GOLPH3L: variants seen among roughly 807,000 people sequenced by gnomAD.
GOLPH3L encodes golgi phosphoprotein 3 like.
GOLPH3L carries 22 observed loss-of-function variants against 30.3 expected under a neutral mutation model. The observed-to-expected ratio is 0.73, with a 90% CI of 0.52 to 1.04. The LOEUF is 1.04. GOLPH3L is among the 50% of genes least tolerant of loss of function. GOLPH3L has a pLI of 0.00. For synonymous variants in GOLPH3L, 120 were observed against 128.2 expected (o/e 0.94, Z 0.43); for missense variants, 303 against 345.8 (o/e 0.88, Z 0.98).
intron 2 of GOLPH3L, among the ~76,000 whole-genome samples, chr1:150,669,108 T>C (rs1650580937): frequency 6.6e-6 from 1 of 152,122 alleles, no homozygotes; most frequent in Admixed American, 6.6e-5. Flanking sequence ...ATTAAGAATA[T>C]GCAATAATAG....
chr1:150,662,222 T>C (rs1264361515), intron 3 of GOLPH3L, among the ~76,000 whole-genome samples: 2 of 151,884 alleles, frequency 1.3e-5, no homozygotes, highest in African/African-American at 2.4e-5. Flanking sequence ...TTAATAAAGG[T>C]AGGAAACAGC....
intron 2 of GOLPH3L, among the ~76,000 whole-genome samples, chr1:150,689,857 C>T (rs187281397): frequency 9.9e-4 from 150 of 151,952 alleles, no homozygotes; most frequent in African/African-American, 3.6e-3. Flanking sequence ...AGGCTGGTCT[C>T]GAACTCCTGG....
chr1:150,680,630 A>C (rs1381964695), intron 2 of GOLPH3L, among the ~76,000 whole-genome samples: 1 of 152,174 alleles, frequency 6.6e-6, no homozygotes, highest in Non-Finnish European at 1.5e-5. Flanking sequence ...CAAGTCAAAA[A>C]ATAAGAAACT....
chr1:150,696,042 A>G (rs867461087), intron 1 of GOLPH3L, among the ~76,000 whole-genome samples: 1 of 152,216 alleles, frequency 6.6e-6, no homozygotes, highest in Non-Finnish European at 1.5e-5. Context: ...AAGATAATAT[A>G]TAACAAATAT....
At chr1:150,660,065 C>G (rs922140385) in intron 4 of GOLPH3L, among the ~76,000 whole-genome samples, 3 of 151,982 alleles carry the variant, frequency 2.0e-5, no homozygotes, top group African/African-American at 7.2e-5. Flanking sequence ...TCAACAACAA[C>G]AAAACAATCA....
At chr1:150,669,037 A>G (rs1183820014) in intron 2 of GOLPH3L, among the ~76,000 whole-genome samples, 2 of 152,188 alleles carry the variant, frequency 1.3e-5, no homozygotes, top group Non-Finnish European at 2.9e-5. Context: ...TGAATGTCAC[A>G]CTTTCCTATT....
chr1:150,678,028 G>A (rs369501948), intron 2 of GOLPH3L, among the ~76,000 whole-genome samples: 12 of 151,602 alleles, frequency 7.9e-5, no homozygotes, highest in East Asian at 1.9e-4. Flanking sequence ...GGCTGGGCAC[G>A]GTGGCTCATG....
chr1:150,678,024 G>A (rs1041720849), intron 2 of GOLPH3L, among the ~76,000 whole-genome samples: 3 of 151,752 alleles, frequency 2.0e-5, no homozygotes, highest in Middle Eastern at 3.4e-3. Context: ...ATGTGGCTGG[G>A]CACGGTGGCT....
intron 2 of GOLPH3L, among the ~76,000 whole-genome samples, chr1:150,668,253 G>T (rs1396152702): frequency 6.6e-6 from 1 of 152,162 alleles, no homozygotes; most frequent in African/African-American, 2.4e-5. Flanking sequence ...CCTGGCAAAA[G>T]TTCAGCTTGA....
chr1:150,650,766 C>G (rs1650086881), intron 4 of GOLPH3L, among the ~76,000 whole-genome samples: 1 of 152,178 alleles, frequency 6.6e-6, no homozygotes, highest in African/African-American at 2.4e-5. Flanking sequence ...GGGACAGCTG[C>G]AGTGTAGTAT....
chr1:150,694,831 G>A lies in GOLPH3L; in HGVS notation c.8C>T (p.Thr3Ile). ...AGTGCGACGGGCCCGGTGAGTTAAAGTGGTCATTCTCACCTGTTTCTGGAG... is the reference window on the plus strand; with the variant it reads ...AGTGCGACGGGCCCGGTGAGTTAAAATGGTCATTCTCACCTGTTTCTGGAG... MT[T>I]LTHRARRTEI... is the part of the protein sequence containing the mutation. The change falls in exon 2 of 5, where the codon ACT (threonine) becomes ATT (isoleucine). Residue 3 changes from threonine to isoleucine, a missense_variant. Thr to Ile is a moderately conservative substitution (Grantham distance 89, BLOSUM62 -1). Coordinates refer to ENST00000271732, the MANE Select transcript of GOLPH3L (RefSeq NM_018178.6). 6.2e-7 allele frequency: 1 copy of A among 1,603,330 alleles called. No individual in the cohort carries two copies. Among genetic ancestry groups the A allele is most frequent in the Non-Finnish European group, 8.5e-7 (1 of 1,175,568 alleles).
chr1:150,682,661 A>C (rs897807812), intron 2 of GOLPH3L, among the ~76,000 whole-genome samples: 2 of 141,988 alleles, frequency 1.4e-5, no homozygotes, highest in Non-Finnish European at 3.1e-5. Context: ...AAGTGTTCTC[A>C]TGTAGATCTC....
In GOLPH3L at chr1:150,694,822, T is replaced by G. The variant is rs1651311083; in HGVS notation, c.17A>C (p.His6Pro). The G allele has an allele frequency of 1.9e-6, 3 of 1,607,452 alleles. No homozygotes were observed. Among genetic ancestry groups the G allele is most frequent in the Non-Finnish European group, 2.5e-6 (3 of 1,177,434 alleles). ...GCTTATTTCAGTGCGACGGGCCCGGTGAGTTAAAGTGGTCATTCTCACCTG... is the reference window on the plus strand; with the variant it reads ...GCTTATTTCAGTGCGACGGGCCCGGGGAGTTAAAGTGGTCATTCTCACCTG... MTTLTHRARRTEISKN... is the reference protein window; with the variant it reads MTTLTPRARRTEISKN... Residue 6 changes from histidine to proline, a missense_variant, in exon 2 of 5, where the codon CAC (histidine) becomes CCC (proline). Coordinates refer to ENST00000271732, the MANE Select transcript of GOLPH3L (RefSeq NM_018178.6).
chr1:150,668,756 T>C (rs1294830959), intron 2 of GOLPH3L, among the ~76,000 whole-genome samples: 1 of 152,156 alleles, frequency 6.6e-6, no homozygotes, highest in African/African-American at 2.4e-5. Context: ...TTTTTTTTTA[T>C]AGTTTAGCTA....
chr1:150,657,381 G>C (rs1306105551), intron 4 of GOLPH3L, among the ~76,000 whole-genome samples: 2 of 152,266 alleles, frequency 1.3e-5, no homozygotes, highest in African/African-American at 2.4e-5. Context: ...CTGGAAAGAA[G>C]CTAAAGCTAT....
rs1650885342 is a variant in GOLPH3L, at chr1:150,679,007, ATGT to A, written c.184-15247_184-15245del. ...GGAAGTAAGATTTCTTCTTTTTTTA[ATGT>A]TGTTAATTATACTTCCCTCTATTGC... On this transcript the variant is annotated intron_variant, in intron 2 of 4. Coordinates refer to ENST00000271732, the MANE Select transcript of GOLPH3L (RefSeq NM_018178.6). Among the ~76,000 whole-genome samples, 5 of 152,208 alleles carry A rather than the reference ATGT, an allele frequency of 3.3e-5. No individual in the cohort carries two copies. In the South Asian group the frequency reaches 1.0e-3, roughly 31 times the overall value.
chr1:150,696,179 T>C lies in GOLPH3L; in HGVS notation c.-13+813A>G, dbSNP rs143101092. On this transcript the variant is annotated intron_variant, in intron 1 of 4. Transcript: ENST00000271732. ...TTCCCATTGCTCCTAATAAGTAGTGTTGCCAGACTTTTTCTCAAAAATGTC... is the reference window on the plus strand; with the variant it reads ...TTCCCATTGCTCCTAATAAGTAGTGCTGCCAGACTTTTTCTCAAAAATGTC... Among the ~76,000 whole-genome samples, 13 of 152,314 alleles carry C rather than the reference T, an allele frequency of 8.5e-5. No individual in the cohort carries two copies. The East Asian group carries it at 2.5e-3, about 29-fold the overall frequency.
At chr1:150,694,441 G>T in intron 2 of GOLPH3L, 1 of 432,766 alleles carries the variant, frequency 2.3e-6, no homozygotes, top group Non-Finnish European at 4.1e-6. Flanking sequence ...CTAAAATTTT[G>T]GAGTAATTTT....
chr1:150,675,838 G>A (rs1650763927), intron 2 of GOLPH3L, among the ~76,000 whole-genome samples: 1 of 145,232 alleles, frequency 6.9e-6, no homozygotes, highest in South Asian at 2.2e-4. Context: ...AAGAAACTGC[G>A]AAGAGTACTG....
Sources: gnomAD v4.1 joint callset for allele counts (sites outside exome capture counted in the v4.1 genomes callset) on GRCh38, gnomAD v4.1.1 for gene constraint, MANE v1.5 for transcripts, NCBI Gene and HGNC (gene_info 2026-07-23, HGNC 2026-07-21) for gene names.